GRID1: variants seen among roughly 807,000 people sequenced by gnomAD.
GRID1 encodes the protein glutamate ionotropic receptor delta type subunit 1, also known as glutamate receptor ionotropic, delta-1.
In GRID1, 28 loss-of-function variants were observed where a neutral mutation model predicts 98.0. The ratio of observed to expected loss-of-function variants is 0.29; its 90% CI spans 0.21 to 0.39. GRID1 has a LOEUF of 0.39. Among genes scored for constraint, GRID1 ranks in the 10% least tolerant of loss-of-function variants. The pLI is 1.00. For missense variants in GRID1, 1,111 were observed against 1,340.5 expected, an observed-to-expected ratio of 0.83 and a Z score of 2.67; for synonymous variants, 553 against 538.5, an observed-to-expected ratio of 1.03 and a Z score of -0.37.
intron 12 of GRID1, among the ~76,000 whole-genome samples, chr10:85,672,571 G>T (rs1841098904): frequency 1.3e-5 from 2 of 152,062 alleles, no homozygotes; most frequent in Admixed American, 6.6e-5. Context: ...CTCCCAAAGT[G>T]CTGGGATAAC....
At chr10:86,119,778 C>T (rs1342883258) in intron 4 of GRID1, among the ~76,000 whole-genome samples, 1 of 151,958 alleles carries the variant, frequency 6.6e-6, no homozygotes, top group Non-Finnish European at 1.5e-5. Context: ...ATGGTTCCCA[C>T]TGTTGTGTTT....
At chr10:85,856,269 G>A in intron 6 of GRID1, 79 bp from the exon 7 acceptor site, 1 of 1,266,504 alleles carries the variant, frequency 7.9e-7, no homozygotes, top group Non-Finnish European at 1.1e-6. Flanking sequence ...GAAAGGAGGA[G>A]GAATGCAGGA....
At chr10:85,849,399 C>T (rs929481236) in intron 8 of GRID1, among the ~76,000 whole-genome samples, 25 of 152,134 alleles carry the variant, frequency 1.6e-4, no homozygotes, top group African/African-American at 6.0e-4. Flanking sequence ...TCAAAATTGA[C>T]AGAGAAGTTA....
chr10:85,680,380 C>T (rs1440162771), intron 12 of GRID1, among the ~76,000 whole-genome samples: 1 of 152,202 alleles, frequency 6.6e-6, no homozygotes, highest in African/African-American at 2.4e-5. Flanking sequence ...TCACGCAGCT[C>T]ATCTTCCCAA....
chr10:85,887,672 C>T (rs1024485107), intron 5 of GRID1, among the ~76,000 whole-genome samples: 2 of 152,172 alleles, frequency 1.3e-5, no homozygotes, highest in South Asian at 2.1e-4. Flanking sequence ...TGACTTCCAA[C>T]CCCGCCTTCT....
chr10:85,696,736 T>C (rs1841399172), intron 12 of GRID1, among the ~76,000 whole-genome samples: 1 of 152,048 alleles, frequency 6.6e-6, no homozygotes. Flanking sequence ...AAACTAAGAA[T>C]CCTGAATTTA....
At chr10:85,820,213 C>G (rs1158880820) in intron 8 of GRID1, among the ~76,000 whole-genome samples, 3 of 148,160 alleles carry the variant, frequency 2.0e-5, no homozygotes, top group Admixed American at 2.0e-4. Context: ...AAATGAGGAG[C>G]TTTCTACAAA....
chr10:85,719,989 A>C (rs1461539665), intron 12 of GRID1, among the ~76,000 whole-genome samples: 3 of 152,246 alleles, frequency 2.0e-5, no homozygotes, highest in African/African-American at 7.2e-5. Flanking sequence ...CCCTGTTTAC[A>C]TCAAAATATC....
chr10:85,616,467 C>T (rs1390558134), intron 14 of GRID1, among the ~76,000 whole-genome samples: 1 of 152,154 alleles, frequency 6.6e-6, no homozygotes, highest in Non-Finnish European at 1.5e-5. Flanking sequence ...GGGGTCAGAT[C>T]CCCACTCCTC....
intron 8 of GRID1, among the ~76,000 whole-genome samples, chr10:85,749,506 A>T (rs1262639180): frequency 6.6e-6 from 1 of 152,188 alleles, no homozygotes; most frequent in Non-Finnish European, 1.5e-5. Context: ...TACATCCCCT[A>T]CATAGGACAC....
intron 4 of GRID1, among the ~76,000 whole-genome samples, chr10:85,963,523 A>T (rs1054421752): frequency 4.6e-5 from 7 of 152,182 alleles, no homozygotes; most frequent in African/African-American, 1.7e-4. Context: ...CTTTTCAAAA[A>T]AACTCTAACC....
At chr10:86,275,962 T>C (rs1847263233) in intron 2 of GRID1, among the ~76,000 whole-genome samples, 1 of 152,142 alleles carries the variant, frequency 6.6e-6, no homozygotes, top group African/African-American at 2.4e-5. Context: ...CAGAGACCCA[T>C]ACAGAGATCC....
intron 4 of GRID1, among the ~76,000 whole-genome samples, chr10:86,110,613 C>T (rs755680657): frequency 2.0e-5 from 3 of 152,130 alleles, no homozygotes; most frequent in Non-Finnish European, 4.4e-5. Flanking sequence ...CATCCCAGGA[C>T]CAGGCTTAGC....
chr10:86,043,908 T>C (rs1055351284), intron 4 of GRID1, among the ~76,000 whole-genome samples: 2 of 152,214 alleles, frequency 1.3e-5, no homozygotes, highest in African/African-American at 2.4e-5. Context: ...TTAGTGATGA[T>C]TAATGCATGC....
intron 12 of GRID1, among the ~76,000 whole-genome samples, chr10:85,722,185 G>A (rs1841711291): frequency 6.6e-6 from 1 of 152,126 alleles, no homozygotes; most frequent in Admixed American, 6.5e-5. Flanking sequence ...AAGAGCTATG[G>A]ATCAAAAGAA....
At chr10:85,799,020 G>T (rs1842551770) in intron 8 of GRID1, among the ~76,000 whole-genome samples, 2 of 151,926 alleles carry the variant, frequency 1.3e-5, no homozygotes, top group South Asian at 4.2e-4. Context: ...ATTTTGAGTT[G>T]ATTTTTATAA....
intron 4 of GRID1, among the ~76,000 whole-genome samples, chr10:85,937,195 G>T (rs1395232877): frequency 6.6e-6 from 1 of 152,178 alleles, no homozygotes; most frequent in Non-Finnish European, 1.5e-5. Context: ...CTGGGGTGTG[G>T]CCTGGACAAG....
chr10:85,684,992 C>T (rs1175717964), intron 12 of GRID1, among the ~76,000 whole-genome samples: 3 of 152,182 alleles, frequency 2.0e-5, no homozygotes, highest in African/African-American at 7.2e-5. Context: ...ATTTACCACA[C>T]TAGGGGTTAG....
chr10:86,301,654 GAAAGCCAGTGCATCCA>G (rs1173660898), intron 2 of GRID1, among the ~76,000 whole-genome samples: 32 of 152,312 alleles, frequency 2.1e-4, no homozygotes, highest in Middle Eastern at 3.4e-3. Context: ...CCGAGAATGA[GAAAGCCAGTGCATCCA>G]AAAGCCAGTG....
Sources: allele counts gnomAD v4.1 joint callset (sites outside exome capture counted in the v4.1 genomes callset), GRCh38; gene constraint gnomAD v4.1.1; transcripts MANE v1.5; gene names NCBI Gene and HGNC (gene_info 2026-07-23, HGNC 2026-07-21).